The following ZCWPW2 variants were observed in gnomAD, a reference collection of about 807,000 sequenced individuals.
The protein encoded by ZCWPW2 is zinc finger CW-type PWWP domain protein 2.
Under a neutral mutation model 46.6 loss-of-function variants are expected in ZCWPW2, and 45 were observed. The observed-to-expected ratio is 0.96, with a 90% CI of 0.76 to 1.24. ZCWPW2 has a LOEUF of 1.24. ZCWPW2 is among the 50% of genes most tolerant of loss of function. The pLI is 0.00. For missense variants in ZCWPW2, 429 were observed against 403.9 expected (o/e 1.06, Z -0.53); for synonymous variants, 152 against 137.1 (o/e 1.11, Z -0.76).
At chr3:28,395,867 C>T (rs372783287) in intron 2 of ZCWPW2, among the ~76,000 whole-genome samples, 14 of 151,932 alleles carry the variant, frequency 9.2e-5, no homozygotes, top group South Asian at 8.3e-4. Context: ...ACTTAAAATT[C>T]GCTAAAATAT....
chr3:28,504,405 A>C (rs1217296689), intron 6 of ZCWPW2, among the ~76,000 whole-genome samples: 1 of 151,688 alleles, frequency 6.6e-6, no homozygotes, highest in Non-Finnish European at 1.5e-5. Context: ...TATGCATCAC[A>C]CTGAAGGTAA....
chr3:28,487,936 C>T (rs557105740), intron 5 of ZCWPW2, among the ~76,000 whole-genome samples: 1 of 152,114 alleles, frequency 6.6e-6, no homozygotes, highest in Admixed American at 6.6e-5. Flanking sequence ...TTTGAAAATC[C>T]CTCAATAGGT....
intron 3 of ZCWPW2, among the ~76,000 whole-genome samples, chr3:28,423,879 T>C (rs1026583432): frequency 6.6e-6 from 1 of 152,098 alleles, no homozygotes; most frequent in Non-Finnish European, 1.5e-5. Context: ...ATGCTAATAT[T>C]ATATGGATCA....
chr3:28,453,720 T>A (rs560337448), intron 4 of ZCWPW2, among the ~76,000 whole-genome samples: 1 of 152,004 alleles, frequency 6.6e-6, no homozygotes, highest in African/African-American at 2.4e-5. Context: ...GAGAGTAACT[T>A]CTTGTTACAT....
chr3:28,492,023 C>T (rs1448478219), intron 5 of ZCWPW2, 104 bp from the exon 6 acceptor site: 1 of 1,140,184 alleles, frequency 8.8e-7, no homozygotes, highest in Non-Finnish European at 1.3e-6. Flanking sequence ...AATACTGTTA[C>T]AATAGTAATG....
intron 6 of ZCWPW2, among the ~76,000 whole-genome samples, chr3:28,502,369 T>G (rs879716458): frequency 6.6e-6 from 1 of 152,134 alleles, no homozygotes; most frequent in Non-Finnish European, 1.5e-5. Flanking sequence ...GATTATTGTA[T>G]TTGCTCCTTA....
intron 8 of ZCWPW2, among the ~76,000 whole-genome samples, chr3:28,520,439 C>T: frequency 6.6e-6 from 1 of 152,142 alleles, no homozygotes; most frequent in East Asian, 1.9e-4. Flanking sequence ...TCCTTTTAAA[C>T]AGTAGTTTAA....
At chr3:28,505,145 G>C (rs1462887784) in intron 6 of ZCWPW2, among the ~76,000 whole-genome samples, 1 of 152,106 alleles carries the variant, frequency 6.6e-6, no homozygotes, top group Non-Finnish European at 1.5e-5. Context: ...GCTATTTTTA[G>C]GGAAAGTGCT....
At position 28,380,999 on chromosome 3, in the gene ZCWPW2, G is replaced by GGT. The variant is rs1491220745; in HGVS notation, c.-133-9498_-133-9497dup. ...GGTATATATATATATATATATATTTGGTATATATATATATATATATATTTG... is the reference window on the plus strand; with the variant it reads ...GGTATATATATATATATATATATTTGGTGTATATATATATATATATATATTTG... On this transcript the variant is annotated intron_variant, in intron 1 of 9. Transcript: ENST00000383768. Among the ~76,000 whole-genome samples the GGT allele has an allele frequency of 1.0e-3, 2 of 1,988 alleles. 1 individual carries two copies. Among genetic ancestry groups the GGT allele is most frequent in the Admixed American group, 0.014 (2 of 148 alleles). 1.3% of individuals were successfully genotyped at this position (1,988 alleles called of 152,430 possible).
intron 6 of ZCWPW2, among the ~76,000 whole-genome samples, chr3:28,511,548 T>C (rs905557077): frequency 6.6e-6 from 1 of 152,146 alleles, no homozygotes; most frequent in African/African-American, 2.4e-5. Context: ...AAATTATATT[T>C]CTCTTCTTTT....
intron 1 of ZCWPW2, among the ~76,000 whole-genome samples, chr3:28,364,786 A>G (rs1288333169): frequency 6.6e-6 from 1 of 152,062 alleles, no homozygotes; most frequent in Non-Finnish European, 1.5e-5. Flanking sequence ...TCCCACTAAC[A>G]GTGTAAAAGT....
At chr3:28,383,388 C>T (rs994613666) in intron 1 of ZCWPW2, among the ~76,000 whole-genome samples, 3 of 151,810 alleles carry the variant, frequency 2.0e-5, no homozygotes, top group East Asian at 1.9e-4. Flanking sequence ...TCTTGTTATC[C>T]GTGGGCTTAT....
chr3:28,502,219 G>A lies in ZCWPW2; in HGVS notation c.657+10046G>A, dbSNP rs151043384. ...TTTTATCTTGAATTAAAGTCTATAG[G>A]AGTTCTATAGGATAACAATTAGTAG... On this transcript the variant is annotated intron_variant, in intron 6 of 9. Transcript: ENST00000383768. Among the ~76,000 whole-genome samples the A allele has an allele frequency of 2.7e-3, 413 of 152,092 alleles. 3 individuals are homozygous for A. The highest frequency in any genetic ancestry group is 0.01 in the Middle Eastern group (3 of 294).
chr3:28,363,212 T>G (rs1436466721), intron 1 of ZCWPW2, among the ~76,000 whole-genome samples: 1 of 151,996 alleles, frequency 6.6e-6, no homozygotes, highest in African/African-American at 2.4e-5. Flanking sequence ...AAAATAAAAG[T>G]TAAAATATTT....
chr3:28,388,582 A>G (rs1156409156), intron 1 of ZCWPW2, among the ~76,000 whole-genome samples: 1 of 152,226 alleles, frequency 6.6e-6, no homozygotes, highest in Non-Finnish European at 1.5e-5. Context: ...AAGTCAGTAT[A>G]TCTTATATTA....
chr3:28,390,432 T>C (rs1353609556), intron 1 of ZCWPW2, 66 bp from the exon 2 acceptor site: 29 of 956,506 alleles, frequency 3.0e-5, no homozygotes, highest in East Asian at 1.2e-4. Flanking sequence ...AATAATTCTT[T>C]ATTATTTTAA....
rs181114095 is a variant in ZCWPW2 at position 28,511,538 on chromosome 3, A to G, written c.658-2526A>G. On this transcript the variant is annotated intron_variant, in intron 6 of 9. Coordinates refer to ENST00000383768, the MANE Select transcript of ZCWPW2 (RefSeq NM_001040432.4). The stretch of plus-strand genomic sequence containing the variant: ...AAATGAATTTTCTTTAAAAAAATAC[A>G]AATTATATTTCTCTTCTTTTGGTGA... 2.5e-3 allele frequency among the ~76,000 whole-genome samples: 382 copies of G among 152,260 alleles called. 2 individuals are homozygous for G. Among genetic ancestry groups the G allele is most frequent in the Middle Eastern group, 0.02 (6 of 294 alleles).
intron 4 of ZCWPW2, among the ~76,000 whole-genome samples, chr3:28,457,242 T>C (rs989194822): frequency 2.0e-5 from 3 of 152,228 alleles, no homozygotes; most frequent in Non-Finnish European, 2.9e-5. Context: ...TATGTACTGA[T>C]TCTGCATCAC....
rs143972375 is a variant in ZCWPW2, at chr3:28,381,436, G to A, written c.-133-9062G>A. ...GAACTGGATCATCATGAAGGTCTTC[G>A]TCCTTACTGTCTTTATGTTGAGTAG... On this transcript the variant is annotated intron_variant, in intron 1 of 9. Transcript: ENST00000383768. Among the ~76,000 whole-genome samples the A allele has an allele frequency of 1.2e-3, 176 of 152,028 alleles. 1 individual carries two copies. Among genetic ancestry groups the A allele is most frequent in the African/African-American group, 4.1e-3 (169 of 41,462 alleles).
Sources: gnomAD v4.1 joint callset for allele counts (sites outside exome capture counted in the v4.1 genomes callset) on GRCh38, gnomAD v4.1.1 for gene constraint, MANE v1.5 for transcripts, NCBI Gene and HGNC (gene_info 2026-07-23, HGNC 2026-07-21) for gene names.